KDM5A: variants seen among roughly 807,000 people sequenced by gnomAD.
KDM5A encodes the protein lysine demethylase 5A, also known as lysine-specific demethylase 5A.
Under a neutral mutation model 193.5 loss-of-function variants are expected in KDM5A, and 42 were observed. The ratio of observed to expected loss-of-function variants is 0.22; its 90% CI spans 0.17 to 0.28. KDM5A has a LOEUF of 0.28. KDM5A is among the 10% of genes least tolerant of loss of function. The probability of loss-of-function intolerance (pLI) is 1.00; values close to 1 mark genes in which losing one functional copy is unlikely to be tolerated. For synonymous variants in KDM5A, 796 were observed against 718.1 expected, an observed-to-expected ratio of 1.11 and a Z score of -1.73; for missense variants, 1,692 against 2,055.1, an observed-to-expected ratio of 0.82 and a Z score of 3.42.
chr12:320,419 C>A (rs1943702875), intron 18 of KDM5A, among the ~76,000 whole-genome samples: 1 of 152,112 alleles, frequency 6.6e-6, no homozygotes, highest in Admixed American at 6.5e-5. Flanking sequence ...TCGCTTGAAC[C>A]CAGGAGGCAG....
Position 334,291 on chromosome 12 carries a change from A to G in KDM5A, c.1440T>C (p.Phe480=). The G allele has an allele frequency of 6.2e-7, 1 of 1,614,180 alleles. No homozygotes were observed. The highest frequency in any genetic ancestry group is 8.5e-7 in the Non-Finnish European group (1 of 1,179,998). The change falls in exon 11 of 28, where the codon TTT becomes TTC. Residue 480 remains phenylalanine (F), a synonymous_variant. Coordinates refer to ENST00000399788, the MANE Select transcript of KDM5A (RefSeq NM_001042603.3). The part of the protein sequence containing the change: ...WLYVGMCFSS[F]CWHIEDHWSY... The stretch of plus-strand genomic sequence containing the variant: ...TCCAGTGATCCTCAATGTGCCAGCA[A>G]AAAGAAGAGAAGCACATTCCCACAT...
At chr12:321,639 C>T (rs1000391067) in intron 17 of KDM5A, among the ~76,000 whole-genome samples, 1 of 152,204 alleles carries the variant, frequency 6.6e-6, no homozygotes, top group African/African-American at 2.4e-5. Context: ...AATTTAAAAA[C>T]CCAATGTGAA....
intron 3 of KDM5A, among the ~76,000 whole-genome samples, chr12:371,177 T>A (rs1944423035): frequency 6.6e-6 from 1 of 152,254 alleles, no homozygotes; most frequent in Non-Finnish European, 1.5e-5. Flanking sequence ...TCAAGATCCT[T>A]GAGGAATCAC....
intron 3 of KDM5A, among the ~76,000 whole-genome samples, chr12:367,882 T>G (rs1294332900): frequency 6.7e-6 from 1 of 149,988 alleles, no homozygotes; most frequent in South Asian, 2.1e-4. Context: ...AAAAAAAAAG[T>G]TAAAAGTTAA....
At position 307,969 on chromosome 12, in the gene KDM5A, C is replaced by T. The variant is rs2137389965; in HGVS notation, c.3415G>A (p.Glu1139Lys). 1.9e-6 allele frequency: 3 copies of T among 1,614,176 alleles called. No individual in the cohort carries two copies. The highest frequency in any genetic ancestry group is 2.5e-6 in the Non-Finnish European group (3 of 1,180,020). ...VFKEREQKEI[E>K]AMHSLRAANL... is the part of the protein sequence containing the mutation. ...GCTGCTCTGAGAGAATGCATGGCTT[C>T]AATCTCTTTTTGCTCCCGTTCTTTG... Residue 1139 changes from glutamate to lysine, a missense_variant, in exon 23 of 28, where the codon GAA becomes AAA. This residue lies in a region of KDM5A where 965 missense variants were observed against 1,061.0 expected (regional missense o/e 0.91). Transcript: ENST00000399788. The surrounding 1 kb of genome is among the most constrained non-coding windows in gnomAD (Gnocchi z 4.3).
Position 389,172 on chromosome 12 carries a change from G to T in KDM5A, c.-81C>A. The T allele has an allele frequency of 7.4e-7, 1 of 1,347,528 alleles. No individual in the cohort carries two copies. Among genetic ancestry groups the T allele is most frequent in the Non-Finnish European group, 1.1e-6 (1 of 938,948 alleles). The allele number at this position is 1,347,528 out of a possible 1,614,324, so 83.5% of individuals were successfully genotyped here. A position where few individuals can be genotyped will look rare whatever the true frequency, so the allele number is the denominator to read the frequency against. ...GCTGAAGCCCACTAAGCCCGTTCAA[G>T]TCCCCTGACAGAGGCCGAAGCGCAT... On this transcript the variant is annotated 5_prime_UTR_variant, in exon 1 of 28. Transcript: ENST00000399788.
chr12:350,483 G>T, intron 10 of KDM5A, 138 bp downstream of exon 10: 1 of 773,592 alleles, frequency 1.3e-6, no homozygotes, highest in South Asian at 1.6e-5. Context: ...TGAATTCTTC[G>T]TTTTCAAAAC....
chr12:338,470 C>A (rs905261541), intron 10 of KDM5A, among the ~76,000 whole-genome samples: 2 of 152,178 alleles, frequency 1.3e-5, no homozygotes, highest in Admixed American at 1.3e-4. Context: ...TGAGAGAATA[C>A]CCTGGGAAGC....
intron 3 of KDM5A, among the ~76,000 whole-genome samples, chr12:376,891 A>G (rs1450211774): frequency 6.6e-6 from 1 of 152,240 alleles, no homozygotes; most frequent in Non-Finnish European, 1.5e-5. Context: ...GAAGATAGTG[A>G]TAAGCCAAAA....
intron 17 of KDM5A, 129 bp from the exon 18 acceptor site, chr12:321,238 CA>C: frequency 1.4e-6 from 1 of 700,308 alleles, no homozygotes; most frequent in Non-Finnish European, 2.6e-6. Flanking sequence ...GATAACACCA[CA>C]ATGGTGACCA....
intron 26 of KDM5A, 143 bp downstream of exon 26, chr12:295,430 G>T: frequency 1.3e-6 from 1 of 781,434 alleles, no homozygotes; most frequent in Non-Finnish European, 2.2e-6. Flanking sequence ...AAGCCATAAA[G>T]CCCAATTTCT....
chr12:378,425 T>C (rs1444949791), intron 3 of KDM5A, among the ~76,000 whole-genome samples: 2 of 152,090 alleles, frequency 1.3e-5, no homozygotes, highest in Non-Finnish European at 2.9e-5. Flanking sequence ...ACCTAGCTAA[T>C]CTTTTTAAAT....
At chr12:288,520 A>C (rs1943250209) in intron 27 of KDM5A, among the ~76,000 whole-genome samples, 1 of 152,232 alleles carries the variant, frequency 6.6e-6, no homozygotes, top group African/African-American at 2.4e-5. Context: ...GTATGGTTTC[A>C]TATTCACACT....
chr12:367,244 T>A (rs1944368797), intron 3 of KDM5A, among the ~76,000 whole-genome samples: 1 of 152,126 alleles, frequency 6.6e-6, no homozygotes, highest in Non-Finnish European at 1.5e-5. Flanking sequence ...TACTACTGTA[T>A]CTTACTACAT....
intron 4 of KDM5A, among the ~76,000 whole-genome samples, chr12:365,166 C>A (rs1478072416): frequency 6.6e-6 from 1 of 152,092 alleles, no homozygotes; most frequent in Non-Finnish European, 1.5e-5. Flanking sequence ...AATCATCCTA[C>A]CACAGTCTCT....
intron 11 of KDM5A, 124 bp from the exon 12 acceptor site, chr12:333,773 A>G: frequency 1.1e-6 from 1 of 916,292 alleles, no homozygotes; most frequent in South Asian, 1.4e-5. Flanking sequence ...TATGCCCTGA[A>G]TTCTGGCAAC....
At position 310,866 on chromosome 12, in the gene KDM5A, A is replaced by T. The variant is rs373988649; in HGVS notation, c.3216+19T>A. On this transcript the variant is annotated intron_variant, in intron 21 of 27. Coordinates refer to ENST00000399788, the MANE Select transcript of KDM5A (RefSeq NM_001042603.3). ...ACTTAAATTATCAGCTGCTTATGAG[A>T]GTGTTGAAGTTCAAGTACCTGTAAC... 3.7e-6 allele frequency: 6 copies of T among 1,611,896 alleles called. No homozygotes were observed. The highest frequency in any genetic ancestry group is 1.3e-5 in the African/African-American group (1 of 74,850).
At chr12:347,625 T>C (rs952476100) in intron 10 of KDM5A, among the ~76,000 whole-genome samples, 4 of 152,086 alleles carry the variant, frequency 2.6e-5, no homozygotes, top group African/African-American at 9.7e-5. Flanking sequence ...CACAACCATC[T>C]CATCTTTGAC....
At chr12:294,766 T>A (rs1943348363) in intron 26 of KDM5A, among the ~76,000 whole-genome samples, 1 of 152,094 alleles carries the variant, frequency 6.6e-6, no homozygotes, top group Non-Finnish European at 1.5e-5. Context: ...AGAATCCAGA[T>A]CTCTTTATTT....
Sources: gnomAD v4.1 joint callset for allele counts (sites outside exome capture counted in the v4.1 genomes callset) on GRCh38, gnomAD v4.1.1 for gene constraint, gnomAD v4.1.1 regional missense constraint, Gnocchi (gnomAD v3.1) non-coding constraint, MANE v1.5 for transcripts, NCBI Gene and HGNC (gene_info 2026-07-23, HGNC 2026-07-21) for gene names.